RIMS2: variants seen among roughly 807,000 people sequenced by gnomAD.
RIMS2 encodes regulating synaptic membrane exocytosis protein 2.
In RIMS2, 59 loss-of-function variants were observed where a neutral mutation model predicts 174.4. That is an observed-to-expected ratio of 0.34 (90% CI 0.27 to 0.42). The LOEUF (loss-of-function observed/expected upper bound fraction) is 0.42. Ranked by LOEUF, RIMS2 falls within the 10% of genes least tolerant of loss-of-function variation. The pLI is 1.00. For synonymous variants in RIMS2, 606 were observed against 572.5 expected (o/e 1.06, Z -0.84); for missense variants, 1,620 against 1,666.3 (o/e 0.97, Z 0.48).
At chr8:103,734,468 T>TC (rs2097658482) in intron 2 of RIMS2, among the ~76,000 whole-genome samples, 2 of 151,992 alleles carry the variant, frequency 1.3e-5, no homozygotes, top group Non-Finnish European at 2.9e-5. Flanking sequence ...TTCTTTTTTT[T>TC]TTTTTAGCAC....
At chr8:103,539,056 A>G (rs1841296429) in intron 1 of RIMS2, among the ~76,000 whole-genome samples, 1 of 152,222 alleles carries the variant, frequency 6.6e-6, no homozygotes, top group African/African-American at 2.4e-5. Context: ...AAATTTAGCC[A>G]GGAGTAATGG....
chr8:103,581,805 G>A (rs2093634084), intron 1 of RIMS2, among the ~76,000 whole-genome samples: 1 of 152,154 alleles, frequency 6.6e-6, no homozygotes, highest in South Asian at 2.1e-4. Flanking sequence ...CACCACCAAA[G>A]GCTGCATGTG....
intron 19 of RIMS2, among the ~76,000 whole-genome samples, chr8:104,030,863 A>G (rs1007583038): frequency 2.0e-5 from 3 of 152,104 alleles, no homozygotes; most frequent in Non-Finnish European, 4.4e-5. Flanking sequence ...AGGTCATAGT[A>G]TATTTTACTT....
rs1212472474 is a variant in RIMS2, at chr8:104,049,043, C to T, written c.3334+34428C>T. Among the ~76,000 whole-genome samples the T allele has an allele frequency of 2.6e-5, 4 of 151,382 alleles. No individual in the cohort carries two copies. In the East Asian group the frequency reaches 7.8e-4, roughly 29 times the overall value. ...GAGAAAATTTCTTTTAATAGTAGAA[C>T]TGGGCATCGGACTATAGCTTGGACA... is the stretch of plus-strand genomic sequence containing the variant. On this transcript the variant is annotated intron_variant, in intron 19 of 23. Transcript: ENST00000504942.
chr8:103,546,921 C>G (rs1015736775), intron 1 of RIMS2, among the ~76,000 whole-genome samples: 1 of 152,186 alleles, frequency 6.6e-6, no homozygotes, highest in African/African-American at 2.4e-5. Context: ...CAAGGTACAT[C>G]TTAAGATTGT....
chr8:103,528,641 A>G (rs1835308492), intron 1 of RIMS2, among the ~76,000 whole-genome samples: 1 of 152,182 alleles, frequency 6.6e-6, no homozygotes, highest in South Asian at 2.1e-4. Flanking sequence ...CCATTTATTA[A>G]ATAGGGAATC....
intron 1 of RIMS2, among the ~76,000 whole-genome samples, chr8:103,600,905 A>T (rs2094704339): frequency 1.3e-5 from 2 of 152,100 alleles, no homozygotes; most frequent in Admixed American, 1.3e-4. Context: ...CTGTGGTGAG[A>T]GATCCCATTG....
chr8:103,663,389 A>G (rs1041654898), intron 1 of RIMS2, among the ~76,000 whole-genome samples: 1 of 152,194 alleles, frequency 6.6e-6, no homozygotes, highest in African/African-American at 2.4e-5. Flanking sequence ...AGAAAACCCC[A>G]TCGTGTCAGC....
At position 103,819,271 on chromosome 8, in the gene RIMS2, TAC is replaced by T. The variant is rs2098736394; in HGVS notation, c.698+52736_698+52737del. On this transcript the variant is annotated intron_variant, in intron 3 of 23. Coordinates refer to ENST00000504942, the Ensembl canonical transcript of RIMS2. The stretch of plus-strand genomic sequence containing the variant: ...GCTTACTGCTGTTTAGAATTCTTGC[TAC>T]AGTCAGGAGAAAGCCGAAAGCTGCA... 6.8e-6 allele frequency: 9 copies of T among 1,330,964 alleles called. No homozygotes were observed. In the East Asian group the frequency reaches 2.6e-4, roughly 38 times the overall value. 82.4% of individuals were successfully genotyped at this position (1,330,964 alleles called of 1,614,324 possible). A position where few individuals can be genotyped will look rare whatever the true frequency, so the allele number is the denominator to read the frequency against.
intron 1 of RIMS2, among the ~76,000 whole-genome samples, chr8:103,612,312 A>T (rs1341180013): frequency 2.0e-5 from 3 of 151,590 alleles, no homozygotes; most frequent in Non-Finnish European, 4.4e-5. Flanking sequence ...TTGTTTGGTG[A>T]GGTTATGTTT....
At chr8:103,702,502 T>C (rs2097177733) in intron 2 of RIMS2, among the ~76,000 whole-genome samples, 1 of 146,736 alleles carries the variant, frequency 6.8e-6, no homozygotes, top group African/African-American at 2.6e-5. Flanking sequence ...AATAAATATT[T>C]GCCTAGACCA....
intron 19 of RIMS2, among the ~76,000 whole-genome samples, chr8:104,200,387 A>G (rs918652943): frequency 3.9e-5 from 6 of 152,162 alleles, no homozygotes; most frequent in African/African-American, 1.4e-4. Context: ...ATTTTAAAAT[A>G]TATATATTCT....
At chr8:104,223,500 C>T in intron 19 of RIMS2, 2 of 1,391,108 alleles carry the variant, frequency 1.4e-6, no homozygotes, top group South Asian at 1.6e-5. Context: ...CTCCTCCGGG[C>T]TGGGTCAGGG....
intron 14 of RIMS2, among the ~76,000 whole-genome samples, chr8:103,949,183 GGAGAA>G (rs2084695918): frequency 1.3e-5 from 2 of 148,728 alleles, no homozygotes; most frequent in East Asian, 3.9e-4. Context: ...GGAAGGAAAG[GGAGAA>G]GAGAAGAGAA....
intron 15 of RIMS2, among the ~76,000 whole-genome samples, chr8:103,972,534 A>C (rs1364750463): frequency 6.6e-6 from 1 of 152,204 alleles, no homozygotes; most frequent in South Asian, 2.1e-4. Flanking sequence ...CAATGTTTGC[A>C]ATAATTTACA....
chr8:104,096,745 A>G (rs552851815), intron 19 of RIMS2, among the ~76,000 whole-genome samples: 13 of 151,946 alleles, frequency 8.6e-5, no homozygotes, highest in African/African-American at 3.1e-4. Flanking sequence ...GTGTGCGCCC[A>G]TAGTCCCAGC....
chr8:104,093,592 C>T (rs367961510), intron 19 of RIMS2: 86 of 1,597,474 alleles, frequency 5.4e-5, no homozygotes, highest in Non-Finnish European at 7.0e-5. Flanking sequence ...TTCAGCAGCA[C>T]AAGCTACATG....
intron 19 of RIMS2, among the ~76,000 whole-genome samples, chr8:104,110,521 G>T (rs921218416): frequency 6.6e-6 from 1 of 152,088 alleles, no homozygotes; most frequent in African/African-American, 2.4e-5. Context: ...AAAAAATACA[G>T]TAATTAAAAC....
At chr8:103,559,986 C>A (rs2131936387) in intron 1 of RIMS2, among the ~76,000 whole-genome samples, 1 of 152,304 alleles carries the variant, frequency 6.6e-6, no homozygotes, top group South Asian at 2.1e-4. Context: ...GGCGTCAAAT[C>A]TTTTATAGCA....
Sources: allele counts gnomAD v4.1 joint callset (sites outside exome capture counted in the v4.1 genomes callset), GRCh38; gene constraint gnomAD v4.1.1; transcripts MANE v1.5; gene names NCBI Gene and HGNC (gene_info 2026-07-23, HGNC 2026-07-21).